The following MARVELD3 variants were observed in gnomAD, a reference collection of about 807,000 sequenced individuals.
MARVELD3 encodes the protein MARVEL domain containing 3.
Under a neutral mutation model 33.5 loss-of-function variants are expected in MARVELD3, and 28 were observed. The ratio of observed to expected loss-of-function variants is 0.84; its 90% confidence interval spans 0.62 to 1.15. MARVELD3 has a LOEUF of 1.15. Among genes scored for constraint, MARVELD3 ranks in the 50% most tolerant of loss-of-function variants. MARVELD3 has a pLI of 0.00. For synonymous variants in MARVELD3, 241 were observed against 230.4 expected, an observed-to-expected ratio of 1.05 and a Z score of -0.42; for missense variants, 582 against 547.6, an observed-to-expected ratio of 1.06 and a Z score of -0.63.
At chr16:71,641,112 T>C (rs1303261516), downstream of MARVELD3, 1 of 1,459,506 alleles carries the variant, frequency 6.9e-7, no homozygotes, top group Non-Finnish European at 9.2e-7. Flanking sequence ...CAACTATGGT[T>C]TTCACACACT....
chr16:71,635,652 T>A lies in MARVELD3; in HGVS notation c.*849T>A. 2.0e-6 allele frequency: 2 copies of A among 984,734 alleles called. No homozygotes were observed. The highest frequency in any genetic ancestry group is 2.4e-6 in the Non-Finnish European group (2 of 829,866). 61.0% of individuals were successfully genotyped at this position (984,734 alleles called of 1,614,324 possible). ...AAGTTCATGGAGAGCCACATAGACA[T>A]GAGACCACACTTCAGCCTGAATTTT... On this transcript the variant is annotated 3_prime_UTR_variant, in exon 3 of 3. Coordinates refer to ENST00000268485, the MANE Select transcript of MARVELD3 (RefSeq NM_052858.6).
chr16:71,631,572 C>A (rs2044533484), intron 2 of MARVELD3, among the ~76,000 whole-genome samples: 1 of 151,976 alleles, frequency 6.6e-6, no homozygotes, highest in Non-Finnish European at 1.5e-5. Context: ...GCCTCAGCCT[C>A]CCGAGTGGCT....
Position 71,635,838 on chromosome 16 carries a change from A to G in MARVELD3, c.*1035A>G. 2 of 985,384 alleles carry G rather than the reference A, an allele frequency of 2.0e-6. No homozygotes were observed. The highest frequency in any genetic ancestry group is 2.4e-6 in the Non-Finnish European group (2 of 829,936). The allele number at this position is 985,384 out of a possible 1,614,324, so 61.0% of individuals were successfully genotyped here. A position where few individuals can be genotyped will look rare whatever the true frequency, so the allele number is the denominator to read the frequency against. ...GGAGGTAGGCGTGGGCTGAGGAAAG[A>G]GGAATCAGATTAATTCTCTGGGTTG... On this transcript the variant is annotated 3_prime_UTR_variant, in exon 3 of 3. Coordinates refer to ENST00000268485, the MANE Select transcript of MARVELD3 (RefSeq NM_052858.6).
At chr16:71,631,774 A>G (rs1052423752) in intron 2 of MARVELD3, among the ~76,000 whole-genome samples, 9 of 152,186 alleles carry the variant, frequency 5.9e-5, no homozygotes, top group African/African-American at 1.9e-4. Flanking sequence ...AAATGGTGAC[A>G]GAGTGAGACC....
downstream of MARVELD3, among the ~76,000 whole-genome samples, chr16:71,637,058 TG>T (rs1388456214): frequency 6.6e-6 from 1 of 152,184 alleles, no homozygotes; most frequent in Non-Finnish European, 1.5e-5. Flanking sequence ...TGTGTCTTTC[TG>T]CACTAAAAGC....
At chr16:71,641,021 T>G (rs2044615416), downstream of MARVELD3, 2 of 1,596,020 alleles carry the variant, frequency 1.3e-6, no homozygotes, top group South Asian at 2.2e-5. Context: ...GGTCTGGAAC[T>G]CTTTGAGATC....
At position 71,634,623 on chromosome 16, in the gene MARVELD3, G is replaced by C. The variant is rs1426168440; in HGVS notation, c.1026G>C (p.Ala342=). 1 of 1,614,110 alleles carries C rather than the reference G, an allele frequency of 6.2e-7. No homozygotes were observed. The highest frequency in any genetic ancestry group is 1.3e-5 in the African/African-American group (1 of 75,024). ...YGSPVCKERQ[A]LYQSKGYSGF... ...CTCCTGTGTGTAAAGAGAGGCAGGC[G>C]CTGTACCAAAGCAAAGGCTACAGCG... is the stretch of plus-strand genomic sequence containing the variant. The change falls in exon 3 of 3, where the codon GCG becomes GCC. Residue 342 remains alanine, a synonymous_variant. Transcript: ENST00000268485.
At position 71,635,697 on chromosome 16, in the gene MARVELD3, A is replaced by C. The variant is rs1294965500; in HGVS notation, c.*894A>C. ...AATTTTTCTAAAACACAGTTGTCTC[A>C]AGCAGATTACTCCACACGTTTTTCC... On this transcript the variant is annotated 3_prime_UTR_variant, in exon 3 of 3. Transcript: ENST00000268485. 1 of 985,106 alleles carries C rather than the reference A, an allele frequency of 1.0e-6. No individual in the cohort carries two copies. Among genetic ancestry groups the C allele is most frequent in the Non-Finnish European group, 1.2e-6 (1 of 829,936 alleles). 61.0% of individuals were successfully genotyped at this position (985,106 alleles called of 1,614,324 possible).
Position 71,626,771 on chromosome 16 carries a change from G to A in MARVELD3, c.467+75G>A. On this transcript the variant is annotated intron_variant, in intron 1 of 2. Coordinates refer to ENST00000268485, the MANE Select transcript of MARVELD3 (RefSeq NM_052858.6). The surrounding 1 kb of genome is among the most constrained non-coding windows in gnomAD (Gnocchi z 5.3). ...CCAGGCCGGCCCGCGAGGCCCTGGC[G>A]TCCCCGGGTTCTCGTCCTAGGAGCC... The A allele has an allele frequency of 8.0e-7, 1 of 1,248,186 alleles. No individual in the cohort carries two copies. The highest frequency in any genetic ancestry group is 1.0e-6 in the Non-Finnish European group (1 of 957,662). The allele number at this position is 1,248,186 out of a possible 1,614,324, so 77.3% of individuals were successfully genotyped here. A position where few individuals can be genotyped will look rare whatever the true frequency, so the allele number is the denominator to read the frequency against.
downstream of MARVELD3, chr16:71,640,897 T>C: frequency 6.2e-7 from 1 of 1,614,130 alleles, no homozygotes; most frequent in Non-Finnish European, 8.5e-7. Context: ...TGTCTTCTCG[T>C]GATCATGTAC....
Position 71,636,185 on chromosome 16 carries a change from A to G in MARVELD3, c.*1382A>G. The G allele has an allele frequency of 1.0e-6, 1 of 978,510 alleles. No homozygotes were observed. Among genetic ancestry groups the G allele is most frequent in the Non-Finnish European group, 1.2e-6 (1 of 823,492 alleles). The allele number at this position is 978,510 out of a possible 1,614,324, so 60.6% of individuals were successfully genotyped here. A position where few individuals can be genotyped will look rare whatever the true frequency, so the allele number is the denominator to read the frequency against. On this transcript the variant is annotated 3_prime_UTR_variant, in exon 3 of 3. Coordinates refer to ENST00000268485, the MANE Select transcript of MARVELD3 (RefSeq NM_052858.6). ...GTTCTTTGCTTTATGTGAATCCAAT[A>G]AAAAATCCAAAGAATTTTAATTTGG... is the stretch of plus-strand genomic sequence containing the variant.
At position 71,635,037 on chromosome 16, in the gene MARVELD3, C is replaced by A; in HGVS notation, c.*234C>A. 8.2e-7 allele frequency: 1 copy of A among 1,218,996 alleles called. No homozygotes were observed. Among genetic ancestry groups the A allele is most frequent in the Non-Finnish European group, 1.0e-6 (1 of 974,386 alleles). 75.5% of individuals were successfully genotyped at this position (1,218,996 alleles called of 1,614,324 possible). ...CCAATCAAAATTATTTTTCAAAAAG[C>A]AAAAAAATGGCCGGCCTCGGCGGCT... On this transcript the variant is annotated 3_prime_UTR_variant, in exon 3 of 3. Coordinates refer to ENST00000268485, the MANE Select transcript of MARVELD3 (RefSeq NM_052858.6).
intron 2 of MARVELD3, among the ~76,000 whole-genome samples, chr16:71,630,700 C>T (rs1011353847): frequency 4.1e-4 from 62 of 151,512 alleles, no homozygotes; most frequent in African/African-American, 1.3e-3. Flanking sequence ...AAGGTTGTTA[C>T]GTATATACAT....
exon 3 of MARVELD3, chr16:71,641,478 C>T (rs1004421150): frequency 2.4e-5 from 4 of 163,628 alleles, no homozygotes; most frequent in Non-Finnish European, 5.4e-5. Context: ...ATTCCAGCTA[C>T]TCTGGAGGCT....
intron 2 of MARVELD3, among the ~76,000 whole-genome samples, chr16:71,632,320 G>A (rs1404243957): frequency 2.0e-5 from 3 of 152,184 alleles, no homozygotes; most frequent in Non-Finnish European, 4.4e-5. Flanking sequence ...TAAGCTTAAT[G>A]TGGGTCATTT....
Position 71,634,498 on chromosome 16 carries a change from C to A in MARVELD3, c.901C>A (p.Leu301Met). 1 of 1,614,230 alleles carries A rather than the reference C, an allele frequency of 6.2e-7. No individual in the cohort carries two copies. The highest frequency in any genetic ancestry group is 8.5e-7 in the Non-Finnish European group (1 of 1,180,040). ...CCTGCGGGTCCCGTGGCATTGTCCA[C>A]TGTTGCTGGTGACCGAAGGCTTGTT... ...GVLRVPWHCP[L>M]LLVTEGLLDM... The change falls in exon 3 of 3, where the codon CTG becomes ATG. Residue 301 changes from leucine (L) to methionine (M), a missense_variant. Physicochemically the swap from Leu to Met is conservative, Grantham distance 15. Coordinates refer to ENST00000268485, the MANE Select transcript of MARVELD3 (RefSeq NM_052858.6).
chr16:71,630,660 T>C (rs556491852), intron 2 of MARVELD3, among the ~76,000 whole-genome samples: 1 of 151,268 alleles, frequency 6.6e-6, no homozygotes, highest in South Asian at 2.1e-4. Context: ...TATATGTATA[T>C]ATATATATAC....
In MARVELD3 at chr16:71,634,205, T is replaced by C. The variant is rs763430582; in HGVS notation, c.608T>C (p.Met203Thr). The C allele has an allele frequency of 6.2e-7, 1 of 1,601,944 alleles. No homozygotes were observed. The highest frequency in any genetic ancestry group is 8.5e-7 in the Non-Finnish European group (1 of 1,171,036). Reference sequence around the variant, plus strand: ...CCTTTTTTTGCAGCCTGCTGCCAAATGCTGGAGGTTCTCCTGAACTTGCTG... The same window carrying C: ...CCTTTTTTTGCAGCCTGCTGCCAAACGCTGGAGGTTCTCCTGAACTTGCTG... Reference protein sequence around the residue: ...YLCTGRACCQMLEVLLNLLIL... With the variant: ...YLCTGRACCQTLEVLLNLLIL... Residue 203 changes from methionine (M) to threonine (T), a missense_variant, in exon 3 of 3, where the codon ATG (methionine) becomes ACG (threonine). By Grantham distance (81) the Met-to-Thr change is moderately conservative. Transcript: ENST00000268485.
downstream of MARVELD3, chr16:71,641,060 GT>G: frequency 6.4e-7 from 1 of 1,569,090 alleles, no homozygotes; most frequent in East Asian, 2.3e-5. Flanking sequence ...AACGCACATT[GT>G]TTCTCTCAAA....
Sources: gnomAD v4.1 joint callset for allele counts (sites outside exome capture counted in the v4.1 genomes callset) on GRCh38, gnomAD v4.1.1 for gene constraint, Gnocchi (gnomAD v3.1) non-coding constraint, MANE v1.5 for transcripts, NCBI Gene and HGNC (gene_info 2026-07-23, HGNC 2026-07-21) for gene names.